STARD13: variants seen among roughly 807,000 people sequenced by gnomAD.
STARD13 encodes stAR-related lipid transfer protein 13.
STARD13 carries 62 observed loss-of-function variants against 106.4 expected under a neutral mutation model. The observed-to-expected ratio is 0.58, with a 90% CI of 0.48 to 0.72. The LOEUF (loss-of-function observed/expected upper bound fraction) is 0.72. Among genes scored for constraint, STARD13 ranks in the 30% least tolerant of loss-of-function variants. The pLI, the probability that STARD13 is intolerant of heterozygous loss-of-function variation, is 0.00. For synonymous variants in STARD13, 565 were observed against 553.0 expected (o/e 1.02, Z -0.31); for missense variants, 1,387 against 1,424.0 (o/e 0.97, Z 0.42).
chr13:33,517,213 C>A, the STARD13 span, among the ~76,000 whole-genome samples: 3 of 152,032 alleles, frequency 2.0e-5, no homozygotes, highest in African/African-American at 7.2e-5. Flanking sequence ...CCTATTCAAG[C>A]TCATCCTGCC....
intron 1 of STARD13, among the ~76,000 whole-genome samples, chr13:33,205,416 ACTGCCAAC>A (rs1255773288): frequency 6.1e-4 from 93 of 152,336 alleles, no homozygotes; most frequent in African/African-American, 2.2e-3. Context: ...CAAAGCATTT[ACTGCCAAC>A]CTCGTCAATC....
the STARD13 span, among the ~76,000 whole-genome samples, chr13:33,563,136 A>G: frequency 1.4e-5 from 2 of 146,920 alleles, no homozygotes; most frequent in Non-Finnish European, 3.0e-5. Context: ...TATGAATTTG[A>G]AGAATTAATA....
chr13:33,150,753 C>G (rs187997849), intron 3 of STARD13, among the ~76,000 whole-genome samples: 148 of 152,288 alleles, frequency 9.7e-4, no homozygotes, highest in African/African-American at 3.5e-3. Context: ...GCTGCCACAA[C>G]CTGTTAATTT....
the STARD13 span, among the ~76,000 whole-genome samples, chr13:33,621,852 T>C: frequency 2.8e-3 from 425 of 151,494 alleles, 5 homozygotes; most frequent in African/African-American, 9.8e-3. Flanking sequence ...TCATCCAGGC[T>C]GGAGTGCAGG....
chr13:33,351,646 G>A (rs1452267270), upstream of STARD13, among the ~76,000 whole-genome samples: 1 of 152,088 alleles, frequency 6.6e-6, no homozygotes, highest in Non-Finnish European at 1.5e-5. Context: ...TTTGGGGAGG[G>A]GAACAAATTT....
intron 1 of STARD13, among the ~76,000 whole-genome samples, chr13:33,262,769 C>T (rs953148942): frequency 2.6e-5 from 4 of 151,890 alleles, no homozygotes; most frequent in African/African-American, 7.2e-5. Context: ...CAGGCCTTAC[C>T]GAAATCTTCA....
the STARD13 span, among the ~76,000 whole-genome samples, chr13:33,630,277 C>G: frequency 6.6e-6 from 1 of 152,220 alleles, no homozygotes; most frequent in East Asian, 1.9e-4. Flanking sequence ...GGTCCCAGCT[C>G]CTCTCATTTT....
chr13:33,159,858 A>T (rs554693037), intron 3 of STARD13, among the ~76,000 whole-genome samples: 9 of 152,360 alleles, frequency 5.9e-5, no homozygotes, highest in Middle Eastern at 3.4e-3. Flanking sequence ...AGAGACATAT[A>T]CTGTGTTTAT....
chr13:33,510,644 T>C, the STARD13 span, among the ~76,000 whole-genome samples: 1 of 152,116 alleles, frequency 6.6e-6, no homozygotes, highest in Non-Finnish European at 1.5e-5. Flanking sequence ...AAAAATTGAC[T>C]TTTTATTTTT....
chr13:33,411,324 A>G, the STARD13 span, among the ~76,000 whole-genome samples: 9 of 152,162 alleles, frequency 5.9e-5, 1 homozygote, highest in Admixed American at 5.9e-4. Flanking sequence ...ACTTCTTCCC[A>G]TTTCCTTTCT....
At chr13:33,385,055 G>A in the STARD13 span, among the ~76,000 whole-genome samples, 1 of 141,356 alleles carries the variant, frequency 7.1e-6, no homozygotes, top group African/African-American at 2.7e-5. Flanking sequence ...ATATACACAT[G>A]CATGTCTGGA....
the STARD13 span, among the ~76,000 whole-genome samples, chr13:33,582,095 G>A: frequency 2.6e-5 from 4 of 151,998 alleles, no homozygotes; most frequent in Admixed American, 1.3e-4. Context: ...GGTGGTGGGT[G>A]CCTGTAGTCC....
chr13:33,185,821 A>T, intron 1 of STARD13: 1 of 1,577,446 alleles, frequency 6.3e-7, no homozygotes, highest in Non-Finnish European at 8.7e-7. Context: ...AGGCTAAGTA[A>T]CAAGTTCACA....
At chr13:33,226,375 C>CTACT (rs1888625313) in intron 1 of STARD13, among the ~76,000 whole-genome samples, 1 of 151,000 alleles carries the variant, frequency 6.6e-6, no homozygotes, top group South Asian at 2.1e-4. Flanking sequence ...TAGTAAAAGT[C>CTACT]TACTGCCAGC....
chr13:33,121,565 C>G (rs61941366), intron 7 of STARD13, among the ~76,000 whole-genome samples: 1 of 144,846 alleles, frequency 6.9e-6, no homozygotes, highest in African/African-American at 2.6e-5. Context: ...CAGACTCCAC[C>G]TCAAAAAAAA....
chr13:33,110,776 G>A lies in STARD13; in HGVS notation c.2739C>T (p.Leu913=), dbSNP rs774117578. 2 of 1,614,206 alleles carry A rather than the reference G, an allele frequency of 1.2e-6. No homozygotes were observed. Among genetic ancestry groups the A allele is most frequent in the Non-Finnish European group, 8.5e-7 (1 of 1,180,018 alleles). The change falls in exon 11 of 14, where the codon CTC becomes CTT. Residue 913 remains leucine (L), a synonymous_variant. Coordinates refer to ENST00000336934, the MANE Select transcript of STARD13 (RefSeq NM_178006.4). ...GATFHTYLNH[L]IQGLQKEAKE... ...TGGCTTCTTTCTGGAGGCCCTGGAT[G>A]AGATGGTTCAGGTAAGTGTGGAAAG...
chr13:33,373,876 A>G, the STARD13 span, among the ~76,000 whole-genome samples: 2 of 152,192 alleles, frequency 1.3e-5, no homozygotes, highest in East Asian at 1.9e-4. Flanking sequence ...GGAAAACAGT[A>G]TAAAGGTTGC....
intron 1 of STARD13, among the ~76,000 whole-genome samples, chr13:33,206,266 T>C (rs1370553643): frequency 2.0e-5 from 3 of 152,124 alleles, no homozygotes; most frequent in Admixed American, 6.5e-5. Context: ...CATCCCATTT[T>C]AAGTTAGCCT....
chr13:33,244,098 G>A (rs1417725747), intron 1 of STARD13, among the ~76,000 whole-genome samples: 1 of 150,632 alleles, frequency 6.6e-6, no homozygotes, highest in African/African-American at 2.4e-5. Context: ...ATGCTCAAAG[G>A]AAATGCTCAC....
Sources: gnomAD v4.1 joint callset for allele counts (sites outside exome capture counted in the v4.1 genomes callset) on GRCh38, gnomAD v4.1.1 for gene constraint, MANE v1.5 for transcripts, NCBI Gene and HGNC (gene_info 2026-07-23, HGNC 2026-07-21) for gene names.